TXNDC16: variants seen among roughly 807,000 people sequenced by gnomAD.
TXNDC16 encodes the protein thioredoxin domain-containing protein 16.
A neutral mutation model predicts 85.6 loss-of-function variants in TXNDC16; 74 were observed. That is an observed-to-expected ratio of 0.86 (90% CI 0.72 to 1.05). The LOEUF (loss-of-function observed/expected upper bound fraction) is 1.05. Among genes scored for constraint, TXNDC16 ranks in the 50% least tolerant of loss-of-function variants. The pLI is 0.00. For synonymous variants in TXNDC16, 335 were observed against 326.5 expected, an observed-to-expected ratio of 1.03 and a Z score of -0.28; for missense variants, 959 against 947.0, an observed-to-expected ratio of 1.01 and a Z score of -0.17.
At chr14:52,438,873 G>T (rs1259800051) in intron 20 of TXNDC16, among the ~76,000 whole-genome samples, 1 of 152,168 alleles carries the variant, frequency 6.6e-6, no homozygotes, top group Non-Finnish European at 1.5e-5. Flanking sequence ...TATAAAAATA[G>T]ATGAAATACT....
intron 16 of TXNDC16, among the ~76,000 whole-genome samples, chr14:52,460,326 A>G (rs546624956): frequency 9.7e-4 from 148 of 152,326 alleles, no homozygotes; most frequent in African/African-American, 2.9e-3. Context: ...GGAAAAAACA[A>G]TATCATTAAA....
intron 14 of TXNDC16, among the ~76,000 whole-genome samples, chr14:52,475,809 T>C (rs991812334): frequency 2.6e-5 from 4 of 152,082 alleles, no homozygotes; most frequent in African/African-American, 7.2e-5. Flanking sequence ...TTCCTCCCGA[T>C]ACCAATGCAC....
At chr14:52,515,020 G>T in intron 7 of TXNDC16, 50 bp from the exon 8 acceptor site, 2 of 1,374,646 alleles carry the variant, frequency 1.5e-6, no homozygotes, top group East Asian at 2.3e-5. Context: ...TAGTTTGTGT[G>T]ACTCTATGTA....
intron 1 of TXNDC16, among the ~76,000 whole-genome samples, chr14:52,550,763 G>A (rs908690898): frequency 2.6e-5 from 4 of 152,140 alleles, no homozygotes; most frequent in Non-Finnish European, 4.4e-5. Context: ...AATATGTGGC[G>A]CCCTTGATTT....
intron 3 of TXNDC16, among the ~76,000 whole-genome samples, chr14:52,542,728 A>C (rs1194592870): frequency 2.0e-5 from 3 of 152,202 alleles, no homozygotes; most frequent in Non-Finnish European, 4.4e-5. Flanking sequence ...AACATTTGGC[A>C]TTCTTCCTCC....
intron 12 of TXNDC16, among the ~76,000 whole-genome samples, chr14:52,485,760 G>T (rs1044691896): frequency 1.3e-5 from 2 of 152,188 alleles, no homozygotes; most frequent in Non-Finnish European, 2.9e-5. Flanking sequence ...CCCTAGGTGT[G>T]TAATAGGCTA....
intron 6 of TXNDC16, among the ~76,000 whole-genome samples, chr14:52,534,513 T>A (rs550806322): frequency 1.0e-3 from 157 of 152,310 alleles, no homozygotes; most frequent in Non-Finnish European, 1.7e-3. Flanking sequence ...AGATTGAACA[T>A]GGCTGCTGTA....
At chr14:52,500,130 T>C (rs1400669577) in intron 9 of TXNDC16, among the ~76,000 whole-genome samples, 2 of 152,062 alleles carry the variant, frequency 1.3e-5, no homozygotes, top group Non-Finnish European at 1.5e-5. Context: ...TTCAAAAGAA[T>C]GAGAAAAAAG....
intron 14 of TXNDC16, among the ~76,000 whole-genome samples, chr14:52,475,736 C>T (rs970636799): frequency 1.3e-5 from 2 of 152,122 alleles, no homozygotes; most frequent in Non-Finnish European, 2.9e-5. Flanking sequence ...TCACTACCCA[C>T]CCTGGTAACT....
chr14:52,495,374 C>A (rs2036507382), intron 9 of TXNDC16, among the ~76,000 whole-genome samples: 1 of 152,050 alleles, frequency 6.6e-6, no homozygotes, highest in African/African-American at 2.4e-5. Flanking sequence ...CAAGAATGAG[C>A]AAATAAAGAG....
At chr14:52,445,210 A>G (rs1017942172) in intron 18 of TXNDC16, among the ~76,000 whole-genome samples, 13 of 152,184 alleles carry the variant, frequency 8.5e-5, no homozygotes, top group Admixed American at 3.3e-4. Flanking sequence ...TGTATATGCT[A>G]AAGGAATTAC....
At chr14:52,530,353 A>T (rs575724420) in intron 6 of TXNDC16, among the ~76,000 whole-genome samples, 3,561 of 34,092 alleles carry the variant, frequency 0.1, 344 homozygotes, top group South Asian at 0.12. Context: ...ATATATTATA[A>T]TATAATATAT....
rs74529760 is a variant in TXNDC16 at position 52,548,176 on chromosome 14, C to T, written c.-181-3805G>A. ...CAGTGTAAACTAAACTATTATGTGA[C>T]GGTTACTATGGGACTGAACGAAGGC... On this transcript the variant is annotated intron_variant, in intron 1 of 20. Coordinates refer to ENST00000281741, the MANE Select transcript of TXNDC16 (RefSeq NM_020784.3). Among the ~76,000 whole-genome samples the T allele has an allele frequency of 7.0e-3, 1,062 of 152,252 alleles. 17 individuals are homozygous for T. Among genetic ancestry groups the T allele is most frequent in the Admixed American group, 0.04 (608 of 15,294 alleles).
chr14:52,525,466 C>T (rs768495169), intron 6 of TXNDC16, among the ~76,000 whole-genome samples: 10 of 149,412 alleles, frequency 6.7e-5, no homozygotes, highest in African/African-American at 1.5e-4. Context: ...CCGAGGTGGG[C>T]GGATCACAAG....
At chr14:52,507,191 A>T (rs2036831208) in intron 9 of TXNDC16, among the ~76,000 whole-genome samples, 1 of 152,150 alleles carries the variant, frequency 6.6e-6, no homozygotes, top group South Asian at 2.1e-4. Flanking sequence ...AAATCTCCTT[A>T]AGCTGATAGG....
At chr14:52,460,041 T>C (rs2035618302) in intron 16 of TXNDC16, among the ~76,000 whole-genome samples, 1 of 152,056 alleles carries the variant, frequency 6.6e-6, no homozygotes, top group Non-Finnish European at 1.5e-5. Flanking sequence ...AATGCAGTCT[T>C]GGAAGTCCTA....
At chr14:52,534,060 T>C (rs1319225935) in intron 6 of TXNDC16, among the ~76,000 whole-genome samples, 2 of 152,166 alleles carry the variant, frequency 1.3e-5, no homozygotes, top group African/African-American at 4.8e-5. Flanking sequence ...CCTGTGAGGT[T>C]TGTCAGGCAT....
At chr14:52,490,511 G>C in intron 10 of TXNDC16, 60 bp from the exon 11 acceptor site, 1 of 1,255,760 alleles carries the variant, frequency 8.0e-7, no homozygotes, top group South Asian at 1.4e-5. Flanking sequence ...TAGTCACCCA[G>C]GACTTCAATA....
At chr14:52,490,770 A>G (rs976510211) in intron 10 of TXNDC16, 69 bp downstream of exon 10, 11 of 1,511,562 alleles carry the variant, frequency 7.3e-6, no homozygotes, top group Non-Finnish European at 9.9e-6. Flanking sequence ...TGATTAAATT[A>G]CCATATTTTA....
Sources: gnomAD v4.1 joint callset for allele counts (sites outside exome capture counted in the v4.1 genomes callset) on GRCh38, gnomAD v4.1.1 for gene constraint, MANE v1.5 for transcripts, NCBI Gene and HGNC (gene_info 2026-07-23, HGNC 2026-07-21) for gene names.